SLC23A1: variants seen among roughly 807,000 people sequenced by gnomAD.
The protein encoded by SLC23A1 is Na(+)/L-ascorbic acid transporter 1.
Under a neutral mutation model 62.5 loss-of-function variants are expected in SLC23A1, and 31 were observed. That is an observed-to-expected ratio of 0.50 (90% CI 0.37 to 0.67). The LOEUF (loss-of-function observed/expected upper bound fraction) is 0.67. Ranked by LOEUF, SLC23A1 falls within the 30% of genes least tolerant of loss-of-function variation. The pLI, the probability that SLC23A1 is intolerant of heterozygous loss-of-function variation, is 0.00. For missense variants in SLC23A1, 640 were observed against 782.7 expected, an observed-to-expected ratio of 0.82 and a Z score of 2.18; for synonymous variants, 271 against 313.2, an observed-to-expected ratio of 0.87 and a Z score of 1.42.
chr5:139,370,082 C>A (rs1757561080), intron 14 of SLC23A1, among the ~76,000 whole-genome samples: 1 of 152,154 alleles, frequency 6.6e-6, no homozygotes, highest in South Asian at 2.1e-4. Flanking sequence ...TTAAGAGAGC[C>A]ATATAGTCAG....
Position 139,367,421 on chromosome 5 carries a change from A to G in SLC23A1, c.*230T>C, listed in dbSNP as rs1757318411. 2 of 152,186 alleles carry G rather than the reference A, an allele frequency of 1.3e-5. No homozygotes were observed. Among genetic ancestry groups the G allele is most frequent in the Admixed American group, 6.5e-5 (1 of 15,280 alleles). 9.4% of individuals were successfully genotyped at this position (152,186 alleles called of 1,614,324 possible). ...CTTAGGAGAGTAAAGATTTAGAGAC[A>G]TAGCATAACATTGGTACAAGTCTCT... On this transcript the variant is annotated 3_prime_UTR_variant, in exon 15 of 15. Transcript: ENST00000348729.
chr5:139,384,379 GC>G (rs1561984355), upstream of SLC23A1: 1 of 1,288,928 alleles, frequency 7.8e-7, no homozygotes. Context: ...TGTGCCCATG[GC>G]CAGGCCCTGC....
intron 13 of SLC23A1, among the ~76,000 whole-genome samples, chr5:139,375,625 A>G (rs972194430): frequency 6.6e-6 from 1 of 152,272 alleles, no homozygotes; most frequent in African/African-American, 2.4e-5. Context: ...ACCTGAGGTC[A>G]GGAGTTTGAG....
chr5:139,379,921 A>G lies in SLC23A1; in HGVS notation c.768+35T>C, dbSNP rs760141276. 7.4e-6 allele frequency: 12 copies of G among 1,614,138 alleles called. No homozygotes were observed. The highest frequency in any genetic ancestry group is 2.2e-5 in the East Asian group (1 of 44,876). ...TCCCACCTCAGCCCAAGCCCTGGCC[A>G]TAGTCCCAGCCCCAGCCGCCTGCCA... On this transcript the variant is annotated intron_variant, in intron 7 of 14. Coordinates refer to ENST00000348729, the MANE Select transcript of SLC23A1 (RefSeq NM_005847.5). This position sits in a 1 kb window ranked among gnomAD's most constrained non-coding sequence, Gnocchi z 4.7.
chr5:139,382,986 G>A (rs1288101909), intron 1 of SLC23A1, among the ~76,000 whole-genome samples: 1 of 152,138 alleles, frequency 6.6e-6, no homozygotes, highest in African/African-American at 2.4e-5. Flanking sequence ...GTCACTGGCC[G>A]GGAGATTAGG....
In SLC23A1 at chr5:139,379,190, G is replaced by A. The variant is rs374749280; in HGVS notation, c.1073+17C>T. 6.1e-5 allele frequency: 99 copies of A among 1,613,540 alleles called. 1 individual carries two copies. In the Middle Eastern group the frequency reaches 9.9e-4, roughly 16 times the overall value. On this transcript the variant is annotated intron_variant, in intron 9 of 14. Coordinates refer to ENST00000348729, the MANE Select transcript of SLC23A1 (RefSeq NM_005847.5). This position sits in a 1 kb window ranked among gnomAD's most constrained non-coding sequence, Gnocchi z 4.7. ...GCGCCTGAGGAGATCAGATACTGAG[G>A]AGGGCAGGTAGGCTACCTGTTGATA...
At chr5:139,367,763 A>G (rs1157517928) in intron 14 of SLC23A1, 132 bp from the exon 15 acceptor site, 1 of 152,222 alleles carries the variant, frequency 6.6e-6, no homozygotes, top group Non-Finnish European at 1.5e-5. Flanking sequence ...GTTCCTTGGT[A>G]TTTAGTGTTT....
chr5:139,373,661 T>C lies in SLC23A1; in HGVS notation c.1550-1408A>G, dbSNP rs946642111. Among the ~76,000 whole-genome samples the C allele has an allele frequency of 5.3e-5, 8 of 152,302 alleles. No individual in the cohort carries two copies. The East Asian group carries it at 1.3e-3, about 26-fold the overall frequency. ...CCCATGAGTAGCACAAACCAAGTTA[T>C]GTTCCAAAATCTCACAGGAGAGGGC... On this transcript the variant is annotated intron_variant, in intron 13 of 14. Transcript: ENST00000348729.
At chr5:139,380,687 G>A (rs2152071764) in intron 4 of SLC23A1, 55 bp from the exon 5 acceptor site, 6 of 1,513,408 alleles carry the variant, frequency 4.0e-6, no homozygotes, top group Non-Finnish European at 5.5e-6. Flanking sequence ...CAGAGAGGGA[G>A]AGAAGATGCT....
chr5:139,372,191 A>G lies in SLC23A1; in HGVS notation c.1612T>C (p.Ser538Pro). 1.9e-6 allele frequency: 3 copies of G among 1,613,270 alleles called. No homozygotes were observed. Among genetic ancestry groups the G allele is most frequent in the Non-Finnish European group, 2.5e-6 (3 of 1,179,162 alleles). The change falls in exon 14 of 15, where the codon TCT becomes CCT. Residue 538 changes from serine to proline, a missense_variant. Physicochemically the swap from Ser to Pro is moderately conservative, Grantham distance 74. Coordinates refer to ENST00000348729, the MANE Select transcript of SLC23A1 (RefSeq NM_005847.5). ...KAGAHANSDM[S>P]SSLKSYDFPI... is the part of the protein sequence containing the mutation. ...AAATCGTAGCTCTTGAGGCTGGAAGACATGTCACTGTTGGCATGAGCCCCA... is the reference window on the plus strand; with the variant it reads ...AAATCGTAGCTCTTGAGGCTGGAAGGCATGTCACTGTTGGCATGAGCCCCA...
In SLC23A1 at chr5:139,382,518, A is replaced by G. The variant is rs771483020; in HGVS notation, c.124T>C (p.Tyr42His). 1.2e-6 allele frequency: 2 copies of G among 1,612,962 alleles called. No homozygotes were observed. The highest frequency in any genetic ancestry group is 3.3e-5 in the Admixed American group (2 of 59,966). ...TGGAAGCCCAGCAGGATGCACAGGT[A>G]CCAAGGTGGCACGTCCTCGATCTTG... The part of the protein sequence containing the change: ...LYKIEDVPPW[Y>H]LCILLGFQHY... The change falls in exon 2 of 15, where the codon TAC (tyrosine) becomes CAC (histidine). Residue 42 changes from tyrosine (Y) to histidine (H), a missense_variant. Coordinates refer to ENST00000348729, the MANE Select transcript of SLC23A1 (RefSeq NM_005847.5).
chr5:139,380,173 G>C (rs1334465377), intron 6 of SLC23A1, 35 bp downstream of exon 6: 2 of 1,556,118 alleles, frequency 1.3e-6, no homozygotes, highest in Non-Finnish European at 1.7e-6. Context: ...TAGGGTGCTG[G>C]GGCTGGGCAG....
intron 13 of SLC23A1, among the ~76,000 whole-genome samples, chr5:139,372,888 A>G (rs1265587849): frequency 6.6e-6 from 1 of 152,112 alleles, no homozygotes; most frequent in African/African-American, 2.4e-5. Flanking sequence ...CGGCCTATAC[A>G]AAATTTTAAG....
At chr5:139,368,284 G>A (rs1757416927) in intron 14 of SLC23A1, among the ~76,000 whole-genome samples, 1 of 152,162 alleles carries the variant, frequency 6.6e-6, no homozygotes, top group Non-Finnish European at 1.5e-5. Flanking sequence ...AGCTTGCAGT[G>A]AGCTGAGATC....
At chr5:139,382,112 A>G in intron 2 of SLC23A1, 63 bp from the exon 3 acceptor site, 6 of 1,508,108 alleles carry the variant, frequency 4.0e-6, no homozygotes, top group Non-Finnish European at 5.4e-6. Context: ...GAGAGGGGAC[A>G]ACCTAGTGTC....
chr5:139,379,743 T>C lies in SLC23A1; in HGVS notation c.860A>G (p.Gln287Arg), dbSNP rs1758143664. Residue 287 changes from glutamine (Q) to arginine (R), a missense_variant, in exon 8 of 15, where the codon CAG becomes CGG. Gln to Arg is a conservative substitution (Grantham distance 43). Coordinates refer to ENST00000348729, the MANE Select transcript of SLC23A1 (RefSeq NM_005847.5). This position sits in a 1 kb window ranked among gnomAD's most constrained non-coding sequence, Gnocchi z 4.7. ...LPTDPKAYGFQARTDARGDIM... is the reference protein window; with the variant it reads ...LPTDPKAYGFRARTDARGDIM... ...GTCACCACGGGCATCGGTTCGTGCCTGGAAGCCATAGGCTTTTGGGTCTGT... is the reference window on the plus strand; with the variant it reads ...GTCACCACGGGCATCGGTTCGTGCCCGGAAGCCATAGGCTTTTGGGTCTGT... The C allele has an allele frequency of 1.2e-6, 2 of 1,613,936 alleles. No individual in the cohort carries two copies. The highest frequency in any genetic ancestry group is 8.5e-7 in the Non-Finnish European group (1 of 1,179,970).
intron 13 of SLC23A1, among the ~76,000 whole-genome samples, chr5:139,375,528 AC>A (rs575028577): frequency 6.6e-6 from 1 of 151,408 alleles, no homozygotes; most frequent in Admixed American, 6.6e-5. Context: ...GGCAACATAG[AC>A]CCCCATCTTA....
intron 13 of SLC23A1, 76 bp from the exon 14 acceptor site, chr5:139,372,329 A>G: frequency 7.3e-7 from 1 of 1,363,842 alleles, no homozygotes; most frequent in East Asian, 2.3e-5. Context: ...CCCAGTCCTA[A>G]GGCAGACTTC....
In SLC23A1 at chr5:139,379,752, T is replaced by G. The variant is rs1758144349; in HGVS notation, c.851A>C (p.Tyr284Ser). 6.2e-7 allele frequency: 1 copy of G among 1,613,874 alleles called. No homozygotes were observed. The highest frequency in any genetic ancestry group is 8.5e-7 in the Non-Finnish European group (1 of 1,179,942). The stretch of plus-strand genomic sequence containing the variant: ...GGCATCGGTTCGTGCCTGGAAGCCA[T>G]AGGCTTTTGGGTCTGTGGGCAGCAC... ...TDVLPTDPKA[Y>S]GFQARTDARG... Residue 284 changes from tyrosine (Y) to serine (S), a missense_variant, in exon 8 of 15, where the codon TAT (tyrosine) becomes TCT (serine). Physicochemically the swap from Tyr to Ser is moderately radical, Grantham distance 144 (BLOSUM62 -2). Coordinates refer to ENST00000348729, the MANE Select transcript of SLC23A1 (RefSeq NM_005847.5). This position sits in a 1 kb window ranked among gnomAD's most constrained non-coding sequence, Gnocchi z 4.7.
Sources: gnomAD v4.1 joint callset for allele counts (sites outside exome capture counted in the v4.1 genomes callset) on GRCh38, gnomAD v4.1.1 for gene constraint, Gnocchi (gnomAD v3.1) non-coding constraint, MANE v1.5 for transcripts, NCBI Gene and HGNC (gene_info 2026-07-23, HGNC 2026-07-21) for gene names.